PRIM2: variants seen among roughly 807,000 people sequenced by gnomAD.
PRIM2 encodes the protein DNA primase large subunit.
PRIM2 carries 39 observed loss-of-function variants against 67.3 expected under a neutral mutation model. That is an observed-to-expected ratio of 0.58 (90% CI 0.45 to 0.76). The LOEUF (loss-of-function observed/expected upper bound fraction) is 0.76, where lower values mean the gene tolerates loss of function less well. Ranked by LOEUF, PRIM2 falls within the 30% of genes least tolerant of loss-of-function variation. The pLI, the probability that PRIM2 is intolerant of heterozygous loss-of-function variation, is 0.00. For synonymous variants in PRIM2, 143 were observed against 198.7 expected (o/e 0.72, Z 2.36); for missense variants, 398 against 598.7 (o/e 0.66, Z 3.50).
At chr6:57,564,186 A>T (rs1485442355) in intron 10 of PRIM2, among the ~76,000 whole-genome samples, 6 of 152,302 alleles carry the variant, frequency 3.9e-5, no homozygotes, top group Middle Eastern at 3.4e-3. Context: ...TCAAGCCCTA[A>T]ATTAGTAATC....
rs1278280389 is a variant in PRIM2, at chr6:57,513,735, G to A, written c.761+6281G>A. Reference sequence around the variant, plus strand: ...CTAAAAATACAAAAATTAGCCCACTGTGGTGGCGCGCACCTGTAATCCCAG... The same window carrying A: ...CTAAAAATACAAAAATTAGCCCACTATGGTGGCGCGCACCTGTAATCCCAG... On this transcript the variant is annotated intron_variant, in intron 8 of 13. Coordinates refer to ENST00000615550, the MANE Select transcript of PRIM2 (RefSeq NM_000947.5). Among the ~76,000 whole-genome samples, 9 of 152,286 alleles carry A rather than the reference G, an allele frequency of 5.9e-5. No individual in the cohort carries two copies. The East Asian group carries it at 1.7e-3, about 29-fold the overall frequency.
chr6:57,523,134 AGAT>A (rs1774661240), intron 8 of PRIM2, among the ~76,000 whole-genome samples: 1 of 152,266 alleles, frequency 6.6e-6, no homozygotes, highest in African/African-American at 2.4e-5. Flanking sequence ...ATTTAGGCCG[AGAT>A]GATGATGATG....
intron 5 of PRIM2, among the ~76,000 whole-genome samples, chr6:57,348,811 G>T (rs1402614456): frequency 7.0e-6 from 1 of 143,874 alleles, no homozygotes; most frequent in Non-Finnish European, 1.5e-5. Context: ...GCAGTGGCGC[G>T]ATCTCGGCTC....
intron 10 of PRIM2, among the ~76,000 whole-genome samples, chr6:57,544,326 C>A (rs1207644490): frequency 6.6e-6 from 1 of 151,812 alleles, no homozygotes; most frequent in African/African-American, 2.4e-5. Context: ...TGTCTCTGGT[C>A]AGGGAGGGGT....
chr6:57,291,873 A>G, the PRIM2 span, among the ~76,000 whole-genome samples: 3 of 152,202 alleles, frequency 2.0e-5, no homozygotes, highest in African/African-American at 7.2e-5. Flanking sequence ...ATTTATGACA[A>G]AACCATAGCC....
chr6:57,246,968 CCTCAGCCTCCCGAGTAG>C, the PRIM2 span, among the ~76,000 whole-genome samples: 2 of 152,192 alleles, frequency 1.3e-5, no homozygotes, highest in African/African-American at 4.8e-5. Flanking sequence ...TATTCTCCTG[CCTCAGCCTCCCGAGTAG>C]CTGGGACTAC....
chr6:57,456,502 T>A (rs1323603467), intron 7 of PRIM2, among the ~76,000 whole-genome samples: 1 of 152,212 alleles, frequency 6.6e-6, no homozygotes, highest in Non-Finnish European at 1.5e-5. Flanking sequence ...TTCTTTTTTC[T>A]CTAAACTTCT....
chr6:57,412,340 T>G (rs1581879819), intron 7 of PRIM2, among the ~76,000 whole-genome samples: 1 of 152,250 alleles, frequency 6.6e-6, no homozygotes, highest in East Asian at 1.9e-4. Flanking sequence ...TTTATCTAAT[T>G]ATTGATATTA....
intron 7 of PRIM2, among the ~76,000 whole-genome samples, chr6:57,429,983 A>G (rs572641639): frequency 6.6e-6 from 1 of 152,280 alleles, no homozygotes. Flanking sequence ...CTAGTTGAGT[A>G]ATTGTTTCTT....
chr6:57,530,733 C>G (rs1354856252), intron 8 of PRIM2, among the ~76,000 whole-genome samples: 37 of 149,870 alleles, frequency 2.5e-4, no homozygotes, highest in Non-Finnish European at 5.0e-4. Context: ...TTTTTTGATA[C>G]AAGGTCTTAC....
chr6:57,574,976 A>G (rs1208328004), intron 10 of PRIM2, among the ~76,000 whole-genome samples: 1 of 152,192 alleles, frequency 6.6e-6, no homozygotes, highest in Non-Finnish European at 1.5e-5. Context: ...AACTTAACAA[A>G]ATAGACAAAA....
intron 10 of PRIM2, among the ~76,000 whole-genome samples, chr6:57,597,239 G>A (rs2127490357): frequency 6.6e-6 from 1 of 152,302 alleles, no homozygotes; most frequent in East Asian, 1.9e-4. Context: ...TCTGCCTTGG[G>A]TGCTTGGGAA....
At chr6:57,497,141 T>C (rs1774021937) in intron 7 of PRIM2, among the ~76,000 whole-genome samples, 1 of 152,138 alleles carries the variant, frequency 6.6e-6, no homozygotes, top group Non-Finnish European at 1.5e-5. Context: ...GAGTCAAACG[T>C]AAATTTTGTA....
intron 7 of PRIM2, among the ~76,000 whole-genome samples, chr6:57,406,693 T>A (rs1770903144): frequency 6.6e-6 from 1 of 152,112 alleles, no homozygotes; most frequent in African/African-American, 2.4e-5. Flanking sequence ...TCCCTTAAAA[T>A]TTTAAAGGGG....
At chr6:57,575,043 T>C (rs1470533698) in intron 10 of PRIM2, among the ~76,000 whole-genome samples, 13 of 152,312 alleles carry the variant, frequency 8.5e-5, no homozygotes, top group Middle Eastern at 3.4e-3. Context: ...CTGCTCTTCG[T>C]ACCCTAGAGT....
At chr6:57,373,472 T>C (rs1006649279) in intron 5 of PRIM2, among the ~76,000 whole-genome samples, 2 of 152,184 alleles carry the variant, frequency 1.3e-5, no homozygotes, top group African/African-American at 2.4e-5. Context: ...ATCCCATGTG[T>C]CAATTTTTGC....
chr6:57,304,646 A>G, the PRIM2 span, among the ~76,000 whole-genome samples: 1 of 151,976 alleles, frequency 6.6e-6, no homozygotes, highest in Non-Finnish European at 1.5e-5. Flanking sequence ...TGGGGAGGGG[A>G]AAGGACCCCT....
chr6:57,618,449 G>A (rs1216396957), intron 12 of PRIM2, among the ~76,000 whole-genome samples: 1 of 152,284 alleles, frequency 6.6e-6, no homozygotes, highest in Non-Finnish European at 1.5e-5. Flanking sequence ...AATCCTGAGA[G>A]GACCCTCAGA....
At chr6:57,587,626 T>A (rs1329424644) in intron 10 of PRIM2, among the ~76,000 whole-genome samples, 2 of 118,100 alleles carry the variant, frequency 1.7e-5, no homozygotes, top group Admixed American at 1.2e-4. Flanking sequence ...ATCAAGCCAC[T>A]GTACTCCAGC....
Sources: gnomAD v4.1 joint callset for allele counts (sites outside exome capture counted in the v4.1 genomes callset) on GRCh38, gnomAD v4.1.1 for gene constraint, MANE v1.5 for transcripts, NCBI Gene and HGNC (gene_info 2026-07-23, HGNC 2026-07-21) for gene names.